The following LARGE1 variants were observed in gnomAD, a reference collection of about 807,000 sequenced individuals.
LARGE1 encodes LARGE xylosyl- and glucuronyltransferase 1, also known as xylosyl- and glucuronyltransferase LARGE1.
In LARGE1, 43 loss-of-function variants were observed where a neutral mutation model predicts 87.6. The ratio of observed to expected loss-of-function variants is 0.49; its 90% CI spans 0.38 to 0.63. The LOEUF is 0.63. Among genes scored for constraint, LARGE1 ranks in the 30% least tolerant of loss-of-function variants. The pLI is 0.00. For missense variants in LARGE1, 802 were observed against 1,000.2 expected (o/e 0.80, Z 2.67); for synonymous variants, 434 against 394.6 (o/e 1.10, Z -1.18).
downstream of LARGE1, among the ~76,000 whole-genome samples, chr22:33,268,140 GA>G (rs1411271884): frequency 6.6e-6 from 1 of 151,334 alleles, no homozygotes; most frequent in Non-Finnish European, 1.5e-5. Context: ...TTTTAGTAGA[GA>G]TGGGGTTTCA....
intron 13 of LARGE1, 130 bp from the exon 14 acceptor site, chr22:33,277,385 A>C: frequency 2.3e-6 from 2 of 872,084 alleles, no homozygotes; most frequent in Non-Finnish European, 1.8e-6. Context: ...TCCCTCCCAA[A>C]AGCTATGTTG....
chr22:33,598,060 C>T (rs1021106660), intron 5 of LARGE1, among the ~76,000 whole-genome samples: 11 of 152,196 alleles, frequency 7.2e-5, no homozygotes, highest in Admixed American at 7.2e-4. Flanking sequence ...TTCAGGAACA[C>T]CCAGAGAAGG....
chr22:33,218,527 C>A (rs1200221266), intron 11 of LARGE1, among the ~76,000 whole-genome samples: 1 of 152,158 alleles, frequency 6.6e-6, no homozygotes, highest in Non-Finnish European at 1.5e-5. Context: ...AACACTCTAG[C>A]TTCTCCTTTT....
intron 6 of LARGE1, among the ~76,000 whole-genome samples, chr22:33,524,144 A>T (rs186546691): frequency 6.6e-6 from 1 of 151,986 alleles, no homozygotes; most frequent in African/African-American, 2.4e-5. Flanking sequence ...TACAAAAATT[A>T]GCAGGGCGTG....
At chr22:33,395,155 G>A (rs898489495) in intron 7 of LARGE1, among the ~76,000 whole-genome samples, 2 of 151,176 alleles carry the variant, frequency 1.3e-5, no homozygotes, top group Non-Finnish European at 2.9e-5. Flanking sequence ...TGTGAACCCC[G>A]GAGGCGGAGC....
intron 13 of LARGE1, among the ~76,000 whole-genome samples, chr22:33,282,799 G>A (rs1247857136): frequency 2.6e-5 from 4 of 152,236 alleles, no homozygotes; most frequent in African/African-American, 9.6e-5. Context: ...CCACAGTGGT[G>A]CTAATAGAAT....
chr22:33,548,187 T>TA (rs2077418409), intron 6 of LARGE1, among the ~76,000 whole-genome samples: 1 of 152,188 alleles, frequency 6.6e-6, no homozygotes, highest in Non-Finnish European at 1.5e-5. Flanking sequence ...ATTCTGGTGA[T>TA]AGAGTTCTCA....
chr22:33,128,687 A>C, the LARGE1 span, among the ~76,000 whole-genome samples: 12 of 145,102 alleles, frequency 8.3e-5, no homozygotes, highest in African/African-American at 2.8e-4. Context: ...AAACAAAAAA[A>C]AAAAAAAAAA....
At chr22:33,442,332 G>A (rs190764329) in intron 6 of LARGE1, among the ~76,000 whole-genome samples, 1 of 152,258 alleles carries the variant, frequency 6.6e-6, no homozygotes, top group Admixed American at 6.5e-5. Flanking sequence ...GCACGCTCTT[G>A]GCCCTTCTGA....
At chr22:33,379,723 T>C (rs1325452075) in intron 9 of LARGE1, among the ~76,000 whole-genome samples, 1 of 152,192 alleles carries the variant, frequency 6.6e-6, no homozygotes, top group Non-Finnish European at 1.5e-5. Flanking sequence ...AAACACCGCA[T>C]GTTCTCACTC....
chr22:33,688,414 C>T (rs142339201), intron 2 of LARGE1, among the ~76,000 whole-genome samples: 1,951 of 152,194 alleles, frequency 0.013, 38 homozygotes, highest in African/African-American at 0.044. Context: ...TGCAATGGTG[C>T]GATCTCGGCT....
intron 6 of LARGE1, among the ~76,000 whole-genome samples, chr22:33,525,186 CA>C (rs1169864449): frequency 6.6e-6 from 1 of 152,132 alleles, no homozygotes; most frequent in African/African-American, 2.4e-5. Context: ...AGGTCTGCCA[CA>C]GAGAACAGAG....
At chr22:33,886,768 T>C (rs2064863710) in intron 1 of LARGE1, among the ~76,000 whole-genome samples, 2 of 149,056 alleles carry the variant, frequency 1.3e-5, no homozygotes, top group African/African-American at 5.0e-5. Context: ...AATTAAAAAA[T>C]TATTTTTATA....
chr22:33,385,513 G>A lies in LARGE1; in HGVS notation c.893-1209C>T, dbSNP rs1241247375. ...ACGGCACTCCAGCCTGGACGACAGC[G>A]CAGGACACCGTCTCAAAAAAAAAAA... On this transcript the variant is annotated intron_variant, in intron 7 of 14. Coordinates refer to ENST00000397394, the MANE Select transcript of LARGE1 (RefSeq NM_133642.5). Among the ~76,000 whole-genome samples, 15 of 107,036 alleles carry A rather than the reference G, an allele frequency of 1.4e-4. 2 individuals are homozygous for A. Among genetic ancestry groups the A allele is most frequent in the Non-Finnish European group, 2.0e-4 (11 of 56,130 alleles). The allele number at this position is 107,036 out of a possible 152,430, so 70.2% of individuals were successfully genotyped here.
chr22:33,447,599 C>A (rs1050743668), intron 6 of LARGE1, among the ~76,000 whole-genome samples: 12 of 152,234 alleles, frequency 7.9e-5, no homozygotes, highest in Admixed American at 2.6e-4. Context: ...ACAAAGGCAA[C>A]ACTTTGGCTT....
At chr22:33,545,823 A>G (rs1040911928) in intron 6 of LARGE1, among the ~76,000 whole-genome samples, 26 of 152,242 alleles carry the variant, frequency 1.7e-4, no homozygotes, top group Admixed American at 1.4e-3. Flanking sequence ...AGCTCAAGGG[A>G]TCCACCAGCC....
chr22:33,774,276 C>T (rs934882545), intron 1 of LARGE1, among the ~76,000 whole-genome samples: 1 of 152,158 alleles, frequency 6.6e-6, no homozygotes, highest in Non-Finnish European at 1.5e-5. Flanking sequence ...AATGGCCACT[C>T]TTACAAAACT....
chr22:33,909,347 AC>A (rs752271938), intron 1 of LARGE1, among the ~76,000 whole-genome samples: 1 of 152,086 alleles, frequency 6.6e-6, no homozygotes. Flanking sequence ...ATGAACTGGT[AC>A]AAAATCCTGT....
At chr22:33,539,425 G>C (rs1175015893) in intron 6 of LARGE1, among the ~76,000 whole-genome samples, 1 of 152,112 alleles carries the variant, frequency 6.6e-6, no homozygotes, top group African/African-American at 2.4e-5. Context: ...ATTCCACATA[G>C]GCCCAATGGG....
Sources: gnomAD v4.1 joint callset for allele counts (sites outside exome capture counted in the v4.1 genomes callset) on GRCh38, gnomAD v4.1.1 for gene constraint, MANE v1.5 for transcripts, NCBI Gene and HGNC (gene_info 2026-07-23, HGNC 2026-07-21) for gene names.